WDR35: variants seen among roughly 807,000 people sequenced by gnomAD.
The protein encoded by WDR35 is WD repeat-containing protein 35.
In WDR35, 118 loss-of-function variants were observed where a neutral mutation model predicts 158.3. The observed-to-expected ratio is 0.75, with a 90% CI of 0.64 to 0.87. The LOEUF is 0.87. WDR35 is among the 40% of genes least tolerant of loss of function. The pLI, the probability that WDR35 is intolerant of heterozygous loss-of-function variation, is 0.00. For synonymous variants in WDR35, 448 were observed against 476.1 expected, an observed-to-expected ratio of 0.94 and a Z score of 0.77; for missense variants, 1,263 against 1,405.8, an observed-to-expected ratio of 0.90 and a Z score of 1.62.
At chr2:19,978,595 G>A (rs1672283903) in intron 5 of WDR35, among the ~76,000 whole-genome samples, 156 bp downstream of exon 5, 1 of 152,078 alleles carries the variant, frequency 6.6e-6, no homozygotes, top group African/African-American at 2.4e-5. Flanking sequence ...ATCAAAGAAC[G>A]GTTCTTGAAT....
At chr2:19,940,206 A>T (rs1308609909) in intron 17 of WDR35, among the ~76,000 whole-genome samples, 3 of 150,980 alleles carry the variant, frequency 2.0e-5, no homozygotes, top group African/African-American at 7.3e-5. Context: ...AAAAAAAAAA[A>T]AACACAAAAA....
chr2:19,978,673 G>C, intron 5 of WDR35, 78 bp downstream of exon 5: 1 of 1,596,058 alleles, frequency 6.3e-7, no homozygotes, highest in Non-Finnish European at 8.6e-7. Context: ...CTAACATATG[G>C]TAACTAACTT....
chr2:19,916,448 G>A (rs548548218), intron 25 of WDR35, among the ~76,000 whole-genome samples: 1 of 152,338 alleles, frequency 6.6e-6, no homozygotes, highest in African/African-American at 2.4e-5. Context: ...TGGCTCAGCA[G>A]GTCCCACCCC....
intron 25 of WDR35, among the ~76,000 whole-genome samples, chr2:19,922,841 C>T (rs1670220151): frequency 6.6e-6 from 1 of 152,152 alleles, no homozygotes; most frequent in Admixed American, 6.5e-5. Context: ...TTCATGATGG[C>T]CATAACACCC....
chr2:19,929,597 T>A (rs890156881), intron 25 of WDR35, among the ~76,000 whole-genome samples: 1 of 152,226 alleles, frequency 6.6e-6, no homozygotes, highest in African/African-American at 2.4e-5. Flanking sequence ...AAGAAGAAAT[T>A]GAGATCCTGA....
At chr2:19,950,667 A>C (rs1232700915) in intron 13 of WDR35, among the ~76,000 whole-genome samples, 1 of 152,178 alleles carries the variant, frequency 6.6e-6, no homozygotes, top group East Asian at 1.9e-4. Context: ...TAGACATTCA[A>C]AAAATACTTA....
chr2:19,939,952 G>A (rs1670816966), intron 17 of WDR35, among the ~76,000 whole-genome samples: 1 of 151,236 alleles, frequency 6.6e-6, no homozygotes, highest in Non-Finnish European at 1.5e-5. Flanking sequence ...ACTTATGACT[G>A]TCTTTTTAAA....
chr2:19,981,501 T>C (rs1321623352), intron 3 of WDR35, among the ~76,000 whole-genome samples: 1 of 152,130 alleles, frequency 6.6e-6, no homozygotes, highest in Non-Finnish European at 1.5e-5. Context: ...CATTTAGTTG[T>C]TATACATCTT....
rs540245044 is a variant in WDR35 at position 19,988,174 on chromosome 2, A to G, written c.142+991T>C. ...GGGCAGTTAACAGCTCAGAGCCTCA[A>G]TTTTCTCACCTAGAATACCTACTGC... is the stretch of plus-strand genomic sequence containing the variant. On this transcript the variant is annotated intron_variant, in intron 2 of 26. Coordinates refer to ENST00000281405, the MANE Select transcript of WDR35 (RefSeq NM_020779.4). Among the ~76,000 whole-genome samples, 18 of 152,300 alleles carry G rather than the reference A, an allele frequency of 1.2e-4. No homozygotes were observed. In the South Asian group the frequency reaches 3.5e-3, roughly 30 times the overall value.
intron 9 of WDR35, among the ~76,000 whole-genome samples, chr2:19,967,863 T>C (rs1226679926): frequency 3.3e-5 from 5 of 152,204 alleles, no homozygotes; most frequent in African/African-American, 9.7e-5. Context: ...AACATCACTA[T>C]TAACTATATT....
intron 8 of WDR35, among the ~76,000 whole-genome samples, chr2:19,972,351 A>G (rs1672058012): frequency 6.6e-6 from 1 of 152,216 alleles, no homozygotes; most frequent in African/African-American, 2.4e-5. Context: ...ATTGTTTTGC[A>G]AGACAAACAA....
Position 19,969,520 on chromosome 2 carries a change from T to C in WDR35, c.968A>G (p.Asp323Gly). 6.2e-7 allele frequency: 1 copy of C among 1,613,742 alleles called. No individual in the cohort carries two copies. The highest frequency in any genetic ancestry group is 1.1e-5 in the South Asian group (1 of 91,044). The change falls in exon 9 of 27, where the codon GAT becomes GGT. Residue 323 changes from aspartate to glycine, a missense_variant. Coordinates refer to ENST00000281405, the MANE Select transcript of WDR35 (RefSeq NM_020779.4). Reference sequence around the variant, plus strand: ...AATGTTTGCAAAATATATAAAGGAATCAACAGCTAGTGCAATTTTCAGTCC... The same window carrying C: ...AATGTTTGCAAAATATATAAAGGAACCAACAGCTAGTGCAATTTTCAGTCC... ...GGGLKIALAV[D>G]SFIYFANIRP...
At position 19,966,795 on chromosome 2, in the gene WDR35, C is replaced by T. The variant is rs1558351001; in HGVS notation, c.1123G>A (p.Gly375Ser). ...NNEKYVKYVK[G>S]LISITTCGDF... is the part of the protein sequence containing the mutation. The stretch of plus-strand genomic sequence containing the variant: ...CCACAGGTAGTAATAGAAATGAGAC[C>T]CTTCACATATTTAACATATTTTTCA... The change falls in exon 10 of 27, where the codon GGT (glycine) becomes AGT (serine). Residue 375 changes from glycine (G) to serine (S), a missense_variant. Physicochemically the swap from Gly to Ser is moderately conservative, Grantham distance 56 (BLOSUM62 0). Coordinates refer to ENST00000281405, the MANE Select transcript of WDR35 (RefSeq NM_020779.4). 6.2e-7 allele frequency: 1 copy of T among 1,613,918 alleles called. No individual in the cohort carries two copies. The highest frequency in any genetic ancestry group is 1.1e-5 in the South Asian group (1 of 91,060).
At chr2:19,983,466 T>C (rs867489005) in intron 2 of WDR35, among the ~76,000 whole-genome samples, 1 of 152,196 alleles carries the variant, frequency 6.6e-6, no homozygotes, top group Non-Finnish European at 1.5e-5. Context: ...TCTAAAGACG[T>C]CTTAAAAATT....
intron 13 of WDR35, among the ~76,000 whole-genome samples, chr2:19,950,627 C>T (rs1330050824): frequency 6.6e-6 from 1 of 152,026 alleles, no homozygotes; most frequent in Non-Finnish European, 1.5e-5. Context: ...CAGTAGATTC[C>T]CAGCACCTAC....
intron 11 of WDR35, among the ~76,000 whole-genome samples, chr2:19,957,734 G>C (rs7589478): frequency 0.1 from 15,941 of 152,014 alleles, 923 homozygotes; most frequent in South Asian, 0.2. Context: ...CGTATTTTTA[G>C]TAGAGATGGG....
chr2:19,979,865 C>T (rs1423260218), intron 4 of WDR35, among the ~76,000 whole-genome samples: 2 of 151,856 alleles, frequency 1.3e-5, no homozygotes, highest in African/African-American at 4.8e-5. Flanking sequence ...AAATGGTATG[C>T]CCTGCCATTT....
chr2:19,922,133 A>G (rs1239961384), intron 25 of WDR35, among the ~76,000 whole-genome samples: 1 of 152,222 alleles, frequency 6.6e-6, no homozygotes, highest in Non-Finnish European at 1.5e-5. Context: ...AGTGTAAATG[A>G]GTTCAACCAT....
intron 25 of WDR35, among the ~76,000 whole-genome samples, chr2:19,918,936 G>A (rs924499380): frequency 1.3e-5 from 2 of 152,128 alleles, no homozygotes; most frequent in Non-Finnish European, 2.9e-5. Context: ...CAAATCAACA[G>A]AATATACATT....
Sources: gnomAD v4.1 joint callset for allele counts (sites outside exome capture counted in the v4.1 genomes callset) on GRCh38, gnomAD v4.1.1 for gene constraint, MANE v1.5 for transcripts, NCBI Gene and HGNC (gene_info 2026-07-23, HGNC 2026-07-21) for gene names.